Variants in TMEM131 observed in about 807,000 individuals in gnomAD.
TMEM131 encodes the protein transmembrane protein 131.
Under a neutral mutation model 211.6 loss-of-function variants are expected in TMEM131, and 66 were observed. That is an observed-to-expected ratio of 0.31 (90% CI 0.26 to 0.38). The LOEUF (loss-of-function observed/expected upper bound fraction) is 0.38, where lower values mean the gene tolerates loss of function less well. TMEM131 is among the 10% of genes least tolerant of loss of function. TMEM131 has a pLI of 1.00. For missense variants in TMEM131, 2,036 were observed against 2,299.3 expected (o/e 0.89, Z 2.34); for synonymous variants, 844 against 841.3 (o/e 1.00, Z -0.06).
intron 1 of TMEM131, among the ~76,000 whole-genome samples, chr2:97,982,942 A>C (rs762213571): frequency 5.3e-5 from 8 of 152,224 alleles, no homozygotes; most frequent in Non-Finnish European, 1.0e-4. Flanking sequence ...GTTGGAGGCC[A>C]CACAAATGTT....
chr2:97,812,567 G>T lies in TMEM131; in HGVS notation c.1729-12C>A, dbSNP rs1559375016. 6.3e-7 allele frequency: 1 copy of T among 1,596,214 alleles called. No individual in the cohort carries two copies. The highest frequency in any genetic ancestry group is 1.4e-5 in the African/African-American group (1 of 73,768). On this transcript the variant is annotated splice_polypyrimidine_tract_variant and intron_variant, in intron 16 of 40. Coordinates refer to ENST00000186436, the MANE Select transcript of TMEM131 (RefSeq NM_015348.2). ...CTTTTTATAGCCAACTTTAAAAAAA[G>T]ATATGAAAATGATTATCACAACACA...
Position 97,812,511 on chromosome 2 carries a change from T to G in TMEM131, c.1773A>C (p.Ile591=), listed in dbSNP as rs776577704. 1 of 1,612,520 alleles carries G rather than the reference T, an allele frequency of 6.2e-7. No homozygotes were observed. The highest frequency in any genetic ancestry group is 8.5e-7 in the Non-Finnish European group (1 of 1,179,412). Residue 591 remains isoleucine (I), a synonymous_variant, in exon 17 of 41, where the codon ATA becomes ATC. Coordinates refer to ENST00000186436, the MANE Select transcript of TMEM131 (RefSeq NM_015348.2). ...SWHIIGDGLS[I]ELVAVERGNR... ...TGCCTCTTTCCACAGCTACAAGTTC[T>G]ATTGATAAACCGTCTCCTATGATAT...
At chr2:97,902,963 G>T (rs1040567663) in intron 3 of TMEM131, among the ~76,000 whole-genome samples, 3 of 152,092 alleles carry the variant, frequency 2.0e-5, no homozygotes, top group Non-Finnish European at 4.4e-5. Flanking sequence ...CTTGCAGACG[G>T]CCTATTGTGG....
At chr2:97,940,429 G>A (rs1256076656) in intron 1 of TMEM131, among the ~76,000 whole-genome samples, 1 of 152,092 alleles carries the variant, frequency 6.6e-6, no homozygotes, top group Non-Finnish European at 1.5e-5. Flanking sequence ...GCTTCAAAGA[G>A]AATAAAATAC....
chr2:97,797,848 C>T (rs1465383600), intron 25 of TMEM131, among the ~76,000 whole-genome samples: 6 of 152,330 alleles, frequency 3.9e-5, no homozygotes, highest in Non-Finnish European at 8.8e-5. Context: ...CAGAAAAGGA[C>T]ACAAACCTAA....
intron 3 of TMEM131, among the ~76,000 whole-genome samples, chr2:97,900,814 C>T (rs11893437): frequency 0.34 from 52,431 of 151,978 alleles, 9,951 homozygotes; most frequent in Middle Eastern, 0.49. Flanking sequence ...AATACCTATA[C>T]TAATTTACAT....
chr2:97,850,199 GAA>G (rs891938199), intron 5 of TMEM131, among the ~76,000 whole-genome samples: 2 of 150,988 alleles, frequency 1.3e-5, no homozygotes, highest in Admixed American at 1.3e-4. Flanking sequence ...CCAAGAATGA[GAA>G]AAAGAAAAAA....
chr2:97,857,494 A>C (rs962186994), intron 5 of TMEM131, among the ~76,000 whole-genome samples: 45 of 152,254 alleles, frequency 3.0e-4, no homozygotes, highest in Admixed American at 2.4e-3. Flanking sequence ...AAACAACAAA[A>C]TATTGCTTGA....
chr2:97,851,883 A>AG (rs536593712), intron 5 of TMEM131, among the ~76,000 whole-genome samples: 1 of 152,182 alleles, frequency 6.6e-6, no homozygotes, highest in Non-Finnish European at 1.5e-5. Flanking sequence ...ATGGCCTGTA[A>AG]GTGTTGGAGT....
In TMEM131 at chr2:97,796,373, C is replaced by T. The variant is rs1480592278; in HGVS notation, c.3045G>A (p.Leu1015=). Residue 1015 remains leucine (L), a synonymous_variant, in exon 28 of 41, where the codon TTG becomes TTA. Coordinates refer to ENST00000186436, the MANE Select transcript of TMEM131 (RefSeq NM_015348.2). ...TATTCTCTACCTTAAATGTTCTTTT[C>T]AATGTGAAATTTGGTTCTCTTAGTT... is the stretch of plus-strand genomic sequence containing the variant. The part of the protein sequence containing the change: ...SLKLREPNFT[L]KRTFKVENTG... 1.3e-6 allele frequency: 2 copies of T among 1,530,548 alleles called. No homozygotes were observed. Among genetic ancestry groups the T allele is most frequent in the Admixed American group, 2.3e-5 (1 of 43,052 alleles). The allele number at this position is 1,530,548 out of a possible 1,614,324, so 94.8% of individuals were successfully genotyped here. A position where few individuals can be genotyped will look rare whatever the true frequency, so the allele number is the denominator to read the frequency against.
At chr2:97,990,402 A>T (rs1002209099) in intron 1 of TMEM131, among the ~76,000 whole-genome samples, 1 of 152,128 alleles carries the variant, frequency 6.6e-6, no homozygotes, top group Non-Finnish European at 1.5e-5. Context: ...CAGTTGGTAC[A>T]ATATAACAAA....
intron 2 of TMEM131, among the ~76,000 whole-genome samples, chr2:97,908,918 G>A (rs1676185213): frequency 6.6e-6 from 1 of 152,130 alleles, no homozygotes; most frequent in African/African-American, 2.4e-5. Flanking sequence ...TTAAAAGTGT[G>A]CCAAACCGAC....
At position 97,972,514 on chromosome 2, in the gene TMEM131, A is replaced by G. The variant is rs868293626; in HGVS notation, c.187+22962T>C. On this transcript the variant is annotated intron_variant, in intron 1 of 40. Coordinates refer to ENST00000186436, the MANE Select transcript of TMEM131 (RefSeq NM_015348.2). ...CGGGCAGGCAGGCGGGCAGGCAGGC[A>G]GGCAGGCAGGCAGTCTTAGGCAGAG... Among the ~76,000 whole-genome samples the G allele has an allele frequency of 4.0e-5, 6 of 150,410 alleles. No individual in the cohort carries two copies. The East Asian group carries it at 7.7e-4, about 19-fold the overall frequency.
chr2:97,873,366 A>C (rs1452000512), intron 4 of TMEM131, among the ~76,000 whole-genome samples: 1 of 152,242 alleles, frequency 6.6e-6, no homozygotes, highest in Non-Finnish European at 1.5e-5. Flanking sequence ...TGAAGAGAGC[A>C]GTGGACCTCC....
rs1017690272 is a variant in TMEM131 at position 97,834,595 on chromosome 2, A to G, written c.1012+26T>C. The G allele has an allele frequency of 7.3e-6, 11 of 1,503,252 alleles. No individual in the cohort carries two copies. The African/African-American group carries it at 1.4e-4, about 19-fold the overall frequency. The allele number at this position is 1,503,252 out of a possible 1,614,324, so 93.1% of individuals were successfully genotyped here. ...GGTTAAAAAAAAAAAAAACTCCATAAAGACTCTTTTAAAAGATTTTTTTAC... is the reference window on the plus strand; with the variant it reads ...GGTTAAAAAAAAAAAAAACTCCATAGAGACTCTTTTAAAAGATTTTTTTAC... On this transcript the variant is annotated intron_variant, in intron 10 of 40. Coordinates refer to ENST00000186436, the MANE Select transcript of TMEM131 (RefSeq NM_015348.2).
At chr2:97,784,773 A>C (rs1680173775) in intron 31 of TMEM131, among the ~76,000 whole-genome samples, 2 of 152,192 alleles carry the variant, frequency 1.3e-5, no homozygotes, top group South Asian at 4.1e-4. Context: ...GCTGTGATTG[A>C]AACAGATAAG....
chr2:97,900,278 A>G (rs1486128465), intron 3 of TMEM131, among the ~76,000 whole-genome samples: 1 of 152,102 alleles, frequency 6.6e-6, no homozygotes, highest in Admixed American at 6.6e-5. Flanking sequence ...AAAACTGCTA[A>G]GCTGAACTTA....
intron 4 of TMEM131, among the ~76,000 whole-genome samples, chr2:97,872,773 C>T (rs143678298): frequency 0.029 from 4,449 of 152,334 alleles, 80 homozygotes; most frequent in Middle Eastern, 0.065. Context: ...GGTGCCTACC[C>T]CACCAGGGCC....
Position 97,805,578 on chromosome 2 carries a change from T to C in TMEM131, c.2181A>G (p.Glu727=), listed in dbSNP as rs1681258428. ...TTGATTTTTTTCCTGGCTCCAAGTCTTCCTTATTGCCCCGTAATCGTTTAT... is the reference window on the plus strand; with the variant it reads ...TTGATTTTTTTCCTGGCTCCAAGTCCTCCTTATTGCCCCGTAATCGTTTAT... The part of the protein sequence containing the change: ...FYYKRLRGNK[E]DLEPGKKSKI... The change falls in exon 20 of 41, where the codon GAA becomes GAG. Residue 727 remains glutamate (E), a synonymous_variant. Coordinates refer to ENST00000186436, the MANE Select transcript of TMEM131 (RefSeq NM_015348.2). 1 of 1,609,754 alleles carries C rather than the reference T, an allele frequency of 6.2e-7. No individual in the cohort carries two copies. Among genetic ancestry groups the C allele is most frequent in the Non-Finnish European group, 8.5e-7 (1 of 1,176,880 alleles).
Sources: allele counts gnomAD v4.1 joint callset (sites outside exome capture counted in the v4.1 genomes callset), GRCh38; gene constraint gnomAD v4.1.1; transcripts MANE v1.5; gene names NCBI Gene and HGNC (gene_info 2026-07-23, HGNC 2026-07-21).